Variants in SIMC1 observed in about 807,000 individuals in gnomAD.
SIMC1 encodes the protein SUMO-interacting motif-containing protein 1.
In SIMC1, 55 loss-of-function variants were observed where a neutral mutation model predicts 82.3. The ratio of observed to expected loss-of-function variants is 0.67; its 90% CI spans 0.54 to 0.84. The LOEUF (loss-of-function observed/expected upper bound fraction) is 0.84, where lower values mean the gene tolerates loss of function less well. SIMC1 is among the 40% of genes least tolerant of loss of function. The probability of loss-of-function intolerance (pLI) is 0.00; values close to 1 mark genes in which losing one functional copy is unlikely to be tolerated. For synonymous variants in SIMC1, 353 were observed against 426.3 expected, an observed-to-expected ratio of 0.83 and a Z score of 2.12; for missense variants, 915 against 1,107.2, an observed-to-expected ratio of 0.83 and a Z score of 2.46.
chr5:176,287,292 T>C (rs1335017214), intron 1 of SIMC1, among the ~76,000 whole-genome samples: 1 of 152,220 alleles, frequency 6.6e-6, no homozygotes, highest in African/African-American at 2.4e-5. Flanking sequence ...TGGAATACTA[T>C]GCAGCCATAA....
chr5:176,303,325 ATTT>A (rs374155075), intron 4 of SIMC1, among the ~76,000 whole-genome samples: 2 of 123,150 alleles, frequency 1.6e-5, no homozygotes, highest in African/African-American at 3.0e-5. Flanking sequence ...AGCCAAAGCA[ATTT>A]TTTTTTTTTT....
At chr5:176,339,059 C>T (rs1245275824) in intron 9 of SIMC1, among the ~76,000 whole-genome samples, 2 of 152,136 alleles carry the variant, frequency 1.3e-5, no homozygotes, top group African/African-American at 4.8e-5. Flanking sequence ...TGTTGTAACT[C>T]ACACTTAAAA....
chr5:176,308,874 A>G, intron 4 of SIMC1: 1 of 1,336,720 alleles, frequency 7.5e-7, no homozygotes, highest in Non-Finnish European at 1.1e-6. Flanking sequence ...TTTACCAAGA[A>G]TCTGTGCAGT....
chr5:176,343,796 T>C (rs1428554174), intron 9 of SIMC1, among the ~76,000 whole-genome samples: 1 of 152,082 alleles, frequency 6.6e-6, no homozygotes, highest in South Asian at 2.1e-4. Context: ...TTGTTTTGTT[T>C]TGTTTTGTTT....
At chr5:176,296,153 G>C (rs139386252) in intron 3 of SIMC1, 98 bp from the exon 4 acceptor site, 17,409 of 1,590,726 alleles carry the variant, frequency 0.011, 119 homozygotes, top group Non-Finnish European at 0.013. Context: ...GAGGATAATG[G>C]AGGATAGGAA....
intron 1 of SIMC1, among the ~76,000 whole-genome samples, chr5:176,253,112 A>C (rs952481158): frequency 2.0e-5 from 3 of 152,210 alleles, no homozygotes; most frequent in Admixed American, 6.5e-5. Context: ...TCGGCTCGGC[A>C]TCAGAGGGAG....
rs369110305 is a variant in SIMC1, at chr5:176,313,243, C to G, written c.1735-448C>G. ...AGCAGCACAGGAGTCATTAAAGAAC[C>G]AGTTTCTCTTTCTCTGTTTTGCCAT... On this transcript the variant is annotated intron_variant, in intron 4 of 9. Coordinates refer to ENST00000429602, the MANE Select transcript of SIMC1 (RefSeq NM_001308195.2). The G allele has an allele frequency of 2.9e-5, 39 of 1,357,430 alleles. No homozygotes were observed. The East Asian group carries it at 9.3e-4, about 32-fold the overall frequency. The allele number at this position is 1,357,430 out of a possible 1,614,324, so 84.1% of individuals were successfully genotyped here.
intron 9 of SIMC1, among the ~76,000 whole-genome samples, chr5:176,337,983 C>T (rs1765978521): frequency 1.3e-5 from 2 of 152,036 alleles, no homozygotes; most frequent in Admixed American, 1.3e-4. Context: ...ATTAATGAGG[C>T]CTGTGGGGAA....
chr5:176,312,495 C>T (rs992795557), intron 4 of SIMC1, among the ~76,000 whole-genome samples: 4 of 143,642 alleles, frequency 2.8e-5, no homozygotes, highest in Admixed American at 7.2e-5. Context: ...AAGATCGCGC[C>T]ACTGCATTCC....
In SIMC1 at chr5:176,313,201, T is replaced by G. The variant is rs1764739193; in HGVS notation, c.1735-490T>G. The G allele has an allele frequency of 2.9e-6, 3 of 1,032,614 alleles. No homozygotes were observed. In the South Asian group the frequency reaches 8.6e-5, roughly 30 times the overall value. The allele number at this position is 1,032,614 out of a possible 1,614,324, so 64.0% of individuals were successfully genotyped here. A position where few individuals can be genotyped will look rare whatever the true frequency, so the allele number is the denominator to read the frequency against. ...TGGAAGTTCATCAGTAGAGTGGACA[T>G]CATGGCGGTTTGATCTAGCAGCACA... is the stretch of plus-strand genomic sequence containing the variant. On this transcript the variant is annotated intron_variant, in intron 4 of 9. Transcript: ENST00000429602.
chr5:176,341,428 A>G (rs1188835878), intron 9 of SIMC1, among the ~76,000 whole-genome samples: 2 of 152,246 alleles, frequency 1.3e-5, no homozygotes, highest in African/African-American at 2.4e-5. Flanking sequence ...GAAGCCATCA[A>G]AGTGGTTGGT....
At chr5:176,250,336 T>C (rs1423690740) in intron 1 of SIMC1, among the ~76,000 whole-genome samples, 1 of 152,192 alleles carries the variant, frequency 6.6e-6, no homozygotes, top group Non-Finnish European at 1.5e-5. Context: ...GAGACTGTTA[T>C]GATTTCCGTT....
Position 176,279,156 on chromosome 5 carries a change from A to C in SIMC1, c.130-10498A>C, listed in dbSNP as rs1051351169. On this transcript the variant is annotated intron_variant, in intron 1 of 9. Transcript: ENST00000429602. ...TGTTATTGGTCTATTCAGAGATTCA[A>C]CTTCTTCCTGGTTTAGTGTTGGGAG... is the stretch of plus-strand genomic sequence containing the variant. Among the ~76,000 whole-genome samples, 123 of 152,252 alleles carry C rather than the reference A, an allele frequency of 8.1e-4. 1 individual carries two copies. Among genetic ancestry groups the C allele is most frequent in the Middle Eastern group, 3.4e-3 (1 of 294 alleles).
At chr5:176,293,973 G>C (rs1763694493) in intron 2 of SIMC1, among the ~76,000 whole-genome samples, 1 of 151,650 alleles carries the variant, frequency 6.6e-6, no homozygotes, top group Non-Finnish European at 1.5e-5. Context: ...TATTTTTTGG[G>C]GGAAGAAGCA....
chr5:176,282,690 T>C (rs926693884), intron 1 of SIMC1, among the ~76,000 whole-genome samples: 6 of 151,962 alleles, frequency 3.9e-5, no homozygotes, highest in South Asian at 2.1e-4. Flanking sequence ...CTTTGACGAG[T>C]TGAGAGAACA....
intron 4 of SIMC1, among the ~76,000 whole-genome samples, chr5:176,301,246 GAAT>G (rs1435501983): frequency 6.6e-6 from 1 of 152,066 alleles, no homozygotes; most frequent in African/African-American, 2.4e-5. Flanking sequence ...TCATAATAGT[GAAT>G]AAATCTCATG....
intron 1 of SIMC1, among the ~76,000 whole-genome samples, chr5:176,267,996 C>T (rs1482743797): frequency 1.3e-5 from 2 of 151,926 alleles, no homozygotes; most frequent in Non-Finnish European, 2.9e-5. Context: ...GCAATCTGCC[C>T]GCCTTGGCCT....
chr5:176,271,140 A>T (rs995568537), intron 1 of SIMC1, among the ~76,000 whole-genome samples: 1 of 152,178 alleles, frequency 6.6e-6, no homozygotes, highest in African/African-American at 2.4e-5. Flanking sequence ...TGGGCGGATC[A>T]CCTGAGGTCA....
At chr5:176,330,400 CAAAAA>C (rs554910341) in intron 7 of SIMC1, among the ~76,000 whole-genome samples, 2 of 94,194 alleles carry the variant, frequency 2.1e-5, no homozygotes, top group Admixed American at 1.1e-4. Context: ...GTCTCCATCT[CAAAAA>C]AAAAAAAAAA....
Sources: gnomAD v4.1 joint callset for allele counts (sites outside exome capture counted in the v4.1 genomes callset) on GRCh38, gnomAD v4.1.1 for gene constraint, MANE v1.5 for transcripts, NCBI Gene and HGNC (gene_info 2026-07-23, HGNC 2026-07-21) for gene names.